The following EED variants were observed in gnomAD, a reference collection of about 807,000 sequenced individuals.
EED encodes embryonic ectoderm development, also known as polycomb protein EED.
EED carries 9 observed loss-of-function variants against 61.0 expected under a neutral mutation model. That is an observed-to-expected ratio of 0.15 (90% CI 0.09 to 0.26). The LOEUF (loss-of-function observed/expected upper bound fraction) is 0.26, where lower values mean the gene tolerates loss of function less well. EED is among the 10% of genes least tolerant of loss of function. The pLI, the probability that EED is intolerant of heterozygous loss-of-function variation, is 1.00. For missense variants in EED, 315 were observed against 542.3 expected, an observed-to-expected ratio of 0.58 and a Z score of 4.16; for synonymous variants, 187 against 174.4, an observed-to-expected ratio of 1.07 and a Z score of -0.57.
the EED span, among the ~76,000 whole-genome samples, chr11:86,286,676 GAAAT>G: frequency 1.3e-5 from 2 of 151,966 alleles, no homozygotes; most frequent in African/African-American, 4.8e-5. Flanking sequence ...CCCACAGTAA[GAAAT>G]AGACTATACA....
At chr11:86,256,662 G>C (rs2138159527) in intron 5 of EED, 150 bp downstream of exon 5, 1 of 771,766 alleles carries the variant, frequency 1.3e-6, no homozygotes, top group African/African-American at 1.8e-5. Flanking sequence ...TGAGTCTTTT[G>C]AGACGTTTGT....
At chr11:86,278,355 A>G in intron 11 of EED, 44 bp from the exon 12 acceptor site, 4 of 1,587,636 alleles carry the variant, frequency 2.5e-6, no homozygotes, top group East Asian at 4.5e-5. Context: ...GACACTGACA[A>G]CGTTATGTGT....
At chr11:86,278,834 CTTAACCAGAGAAAG>C, downstream of EED, 1 of 232,056 alleles carries the variant, frequency 4.3e-6, no homozygotes, top group East Asian at 6.7e-5. Context: ...TTGTAGTTCT[CTTAACCAGAGAAAG>C]TTTTGTAATA....
chr11:86,286,971 C>CAAAAAAAAAAAAAAAAAA, the EED span, among the ~76,000 whole-genome samples: 2 of 68,328 alleles, frequency 2.9e-5, no homozygotes, highest in African/African-American at 9.7e-5. Context: ...GACTCCGTCT[C>CAAAAAAAAAAAAAAAAAA]AAAAAAAAAA....
chr11:86,258,733 T>G (rs1945750282), intron 6 of EED, among the ~76,000 whole-genome samples: 1 of 151,660 alleles, frequency 6.6e-6, no homozygotes, highest in East Asian at 1.9e-4. Flanking sequence ...TTTTTGTATT[T>G]TTAGTAGAGA....
At chr11:86,269,864 T>C (rs1408552292) in intron 9 of EED, among the ~76,000 whole-genome samples, 1 of 152,196 alleles carries the variant, frequency 6.6e-6, no homozygotes, top group Non-Finnish European at 1.5e-5. Context: ...TAGTATTCCA[T>C]GGTATGGATT....
chr11:86,250,183 C>T (rs1348854642), intron 1 of EED, 113 bp from the exon 2 acceptor site: 4 of 991,306 alleles, frequency 4.0e-6, no homozygotes, highest in Admixed American at 3.8e-5. Flanking sequence ...ACATTTTTTT[C>T]TTCTTGTAGA....
At chr11:86,274,101 CTTT>C (rs375116812) in intron 9 of EED, among the ~76,000 whole-genome samples, 1 of 139,394 alleles carries the variant, frequency 7.2e-6, no homozygotes. Context: ...TGTCTTTTTT[CTTT>C]TTTTTTTTTT....
intron 3 of EED, 125 bp from the exon 4 acceptor site, chr11:86,255,097 T>A (rs1945636288): frequency 3.1e-6 from 2 of 647,814 alleles, no homozygotes; most frequent in South Asian, 2.4e-5. Flanking sequence ...TCACAGGAGG[T>A]ATTTTAAGGC....
At chr11:86,250,197 T>A in intron 1 of EED, 99 bp from the exon 2 acceptor site, 1 of 1,134,898 alleles carries the variant, frequency 8.8e-7, no homozygotes. Context: ...TTGTAGAAAT[T>A]ATTTCTCTTA....
intron 1 of EED, among the ~76,000 whole-genome samples, chr11:86,247,819 G>C (rs1206409509): frequency 6.6e-6 from 1 of 152,226 alleles, no homozygotes; most frequent in Non-Finnish European, 1.5e-5. Context: ...GGGGGAATAT[G>C]TTTTTGTGTT....
At chr11:86,270,857 T>C (rs550567938) in intron 9 of EED, among the ~76,000 whole-genome samples, 51 of 152,348 alleles carry the variant, frequency 3.3e-4, no homozygotes, top group African/African-American at 1.1e-3. Context: ...TTGATTTTCC[T>C]GTTCTGTTTC....
At chr11:86,269,192 T>C (rs1031415049) in intron 9 of EED, among the ~76,000 whole-genome samples, 1 of 152,222 alleles carries the variant, frequency 6.6e-6, no homozygotes, top group African/African-American at 2.4e-5. Context: ...ATATCTCACA[T>C]ACTGCATACT....
Position 86,278,693 on chromosome 11 carries a change from T to A in EED, c.*168T>A, listed in dbSNP as rs1758452351. The A allele has an allele frequency of 1.2e-6, 1 of 808,776 alleles. No individual in the cohort carries two copies. Among genetic ancestry groups the A allele is most frequent in the Non-Finnish European group, 1.7e-6 (1 of 575,406 alleles). 50.1% of individuals were successfully genotyped at this position (808,776 alleles called of 1,614,324 possible). ...CATTGTTTACATTCTTTGTACTGTC[T>A]TCCTGCTCAGACTCTACTGCTTTTA... On this transcript the variant is annotated 3_prime_UTR_variant, in exon 12 of 12. Transcript: ENST00000263360.
chr11:86,266,866 T>G (rs1237952329), intron 8 of EED, among the ~76,000 whole-genome samples: 1 of 152,180 alleles, frequency 6.6e-6, no homozygotes, highest in Admixed American at 6.5e-5. Flanking sequence ...TGTCTGCATG[T>G]TAACTTTGTT....
At chr11:86,273,783 C>T (rs747837313) in intron 9 of EED, among the ~76,000 whole-genome samples, 4 of 152,140 alleles carry the variant, frequency 2.6e-5, no homozygotes, top group Non-Finnish European at 4.4e-5. Context: ...ATTGTTTGTC[C>T]CCTGTAGGTA....
chr11:86,249,086 T>A (rs1394786046), intron 1 of EED, among the ~76,000 whole-genome samples: 1 of 152,164 alleles, frequency 6.6e-6, no homozygotes, highest in African/African-American at 2.4e-5. Flanking sequence ...TAATGCATAG[T>A]TTTCCACTGA....
At chr11:86,286,047 T>C in the EED span, among the ~76,000 whole-genome samples, 1 of 151,474 alleles carries the variant, frequency 6.6e-6, no homozygotes, top group Admixed American at 6.6e-5. Context: ...CCACTTTTAT[T>C]TGAGACAGAG....
At chr11:86,252,869 C>T (rs1280337177) in intron 3 of EED, among the ~76,000 whole-genome samples, 1 of 152,070 alleles carries the variant, frequency 6.6e-6, no homozygotes, top group East Asian at 1.9e-4. Flanking sequence ...AGGTGATCCT[C>T]CCATGTCAGC....
Sources: allele counts gnomAD v4.1 joint callset (sites outside exome capture counted in the v4.1 genomes callset), GRCh38; gene constraint gnomAD v4.1.1; transcripts MANE v1.5; gene names NCBI Gene and HGNC (gene_info 2026-07-23, HGNC 2026-07-21).